The following ARHGEF26 variants were observed in gnomAD, a reference collection of about 807,000 sequenced individuals.
The protein encoded by ARHGEF26 is Rho guanine nucleotide exchange factor (GEF) 26.
ARHGEF26 carries 59 observed loss-of-function variants against 89.4 expected under a neutral mutation model. That is an observed-to-expected ratio of 0.66 (90% confidence interval 0.54 to 0.82). The LOEUF is 0.82. ARHGEF26 is among the 40% of genes least tolerant of loss of function. ARHGEF26 has a pLI of 0.00. For synonymous variants in ARHGEF26, 500 were observed against 428.4 expected (o/e 1.17, Z -2.06); for missense variants, 1,234 against 1,085.6 (o/e 1.14, Z -1.92).
At chr3:154,248,669 A>C (rs898597620) in intron 12 of ARHGEF26, among the ~76,000 whole-genome samples, 11 of 152,182 alleles carry the variant, frequency 7.2e-5, no homozygotes, top group Admixed American at 4.6e-4. Flanking sequence ...GGTTAACTGA[A>C]GGACTCTGGA....
intron 3 of ARHGEF26, among the ~76,000 whole-genome samples, chr3:154,126,609 T>C (rs933548192): frequency 5.9e-5 from 9 of 152,216 alleles, no homozygotes; most frequent in African/African-American, 2.2e-4. Context: ...ATCATGACAG[T>C]GTGAAAGAAA....
At chr3:154,236,131 C>G (rs1363791575) in intron 11 of ARHGEF26, among the ~76,000 whole-genome samples, 1 of 152,104 alleles carries the variant, frequency 6.6e-6, no homozygotes, top group East Asian at 1.9e-4. Context: ...CAAACACTGA[C>G]CTGCTTAACA....
intron 6 of ARHGEF26, among the ~76,000 whole-genome samples, chr3:154,172,665 G>A (rs1366062887): frequency 6.6e-6 from 1 of 152,176 alleles, no homozygotes; most frequent in Non-Finnish European, 1.5e-5. Flanking sequence ...GTGCACTCTA[G>A]CCTGGGCAAC....
At chr3:154,139,360 T>C (rs1719217968) in intron 4 of ARHGEF26, among the ~76,000 whole-genome samples, 1 of 152,202 alleles carries the variant, frequency 6.6e-6, no homozygotes, top group Non-Finnish European at 1.5e-5. Flanking sequence ...CTCGGATGAC[T>C]TCCAAGTTAT....
At chr3:154,207,750 G>T (rs1187405167) in intron 9 of ARHGEF26, among the ~76,000 whole-genome samples, 3 of 152,146 alleles carry the variant, frequency 2.0e-5, no homozygotes, top group Non-Finnish European at 2.9e-5. Context: ...TACTGGGTAT[G>T]CACCGTAAGG....
At chr3:154,249,854 C>A (rs951637014) in intron 12 of ARHGEF26, among the ~76,000 whole-genome samples, 1 of 152,174 alleles carries the variant, frequency 6.6e-6, no homozygotes, top group Non-Finnish European at 1.5e-5. Context: ...TGTTTTATAT[C>A]GATACGTCCC....
intron 9 of ARHGEF26, among the ~76,000 whole-genome samples, chr3:154,200,406 T>C (rs1232994822): frequency 1.3e-5 from 2 of 152,110 alleles, no homozygotes; most frequent in Non-Finnish European, 2.9e-5. Flanking sequence ...TTTTTTCTGC[T>C]CCACTGGCCT....
At chr3:154,246,251 G>C (rs1306097961) in intron 12 of ARHGEF26, among the ~76,000 whole-genome samples, 6 of 152,160 alleles carry the variant, frequency 3.9e-5, no homozygotes, top group Non-Finnish European at 8.8e-5. Context: ...TTCAGCCAAA[G>C]GGAACAGCAG....
At chr3:154,250,029 T>TA (rs1157376210) in intron 12 of ARHGEF26, among the ~76,000 whole-genome samples, 1 of 152,134 alleles carries the variant, frequency 6.6e-6, no homozygotes, top group African/African-American at 2.4e-5. Context: ...GGGAGCTCCT[T>TA]AGCAGGCTCT....
rs143410771 is a variant in ARHGEF26, at chr3:154,174,820, AT to A, written c.1488-12856del. Among the ~76,000 whole-genome samples, 49 of 151,372 alleles carry A rather than the reference AT, an allele frequency of 3.2e-4. No individual in the cohort carries two copies. The Middle Eastern group carries it at 0.017, about 53-fold the overall frequency. ...AATGTATACATACATATACATACTC[AT>A]TTTTTTTTCTGAATTAAAAAATAGT... On this transcript the variant is annotated intron_variant, in intron 6 of 14. Coordinates refer to ENST00000465093, the MANE Select transcript of ARHGEF26 (RefSeq NM_015595.4).
At chr3:154,201,466 A>G (rs971812417) in intron 9 of ARHGEF26, among the ~76,000 whole-genome samples, 1,624 of 152,104 alleles carry the variant, frequency 0.011, 22 homozygotes, top group African/African-American at 0.037. Context: ...ATAAACATAC[A>G]TGTGCATGTG....
At chr3:154,157,991 G>A (rs1451746499) in intron 6 of ARHGEF26, among the ~76,000 whole-genome samples, 2 of 152,104 alleles carry the variant, frequency 1.3e-5, no homozygotes, top group Non-Finnish European at 2.9e-5. Context: ...AAGCAGTGGT[G>A]GTGGTATTTA....
At chr3:154,234,088 C>A (rs1021481307) in intron 11 of ARHGEF26, among the ~76,000 whole-genome samples, 2 of 152,180 alleles carry the variant, frequency 1.3e-5, no homozygotes, top group Non-Finnish European at 2.9e-5. Context: ...ACTGGAAGTG[C>A]TGCTTGGGTT....
intron 10 of ARHGEF26, among the ~76,000 whole-genome samples, chr3:154,221,564 A>G (rs944562778): frequency 1.3e-5 from 2 of 152,248 alleles, no homozygotes; most frequent in African/African-American, 4.8e-5. Context: ...AAGATGAGGA[A>G]AAACATCTAA....
rs751323964 is a variant in ARHGEF26 at position 154,122,755 on chromosome 3, C to T, written c.763C>T (p.Leu255=). ...GAAGCAGCAGATCATTCCGAAGAGT[C>T]TGGCCTCGGAAATTAAAATAAGTAA... ...VGKQQIIPKS[L]ASEIKISKSN... Residue 255 remains leucine, a synonymous_variant, in exon 2 of 15, where the codon CTG becomes TTG. Coordinates refer to ENST00000465093, the MANE Select transcript of ARHGEF26 (RefSeq NM_015595.4). 1 of 1,611,832 alleles carries T rather than the reference C, an allele frequency of 6.2e-7. No individual in the cohort carries two copies.
At chr3:154,211,078 G>A (rs7624952) in intron 9 of ARHGEF26, among the ~76,000 whole-genome samples, 26 of 151,542 alleles carry the variant, frequency 1.7e-4, no homozygotes, top group East Asian at 2.0e-4. Context: ...TTTTCCTCTC[G>A]TCTTCTCAAG....
chr3:154,132,018 T>C (rs1347399856), intron 4 of ARHGEF26, among the ~76,000 whole-genome samples: 1 of 152,226 alleles, frequency 6.6e-6, no homozygotes, highest in Admixed American at 6.5e-5. Flanking sequence ...GTGTATGTTA[T>C]CTTGGAGTTG....
At position 154,240,346 on chromosome 3, in the gene ARHGEF26, T is replaced by G. The variant is rs769336105; in HGVS notation, c.2091-24T>G. On this transcript the variant is annotated intron_variant, in intron 11 of 14. Transcript: ENST00000465093. Reference sequence around the variant, plus strand: ...AGTCTTATCTGCTGAATAATTGACGTGTTCTTTTCCCTTTCCTTTACAGTG... The same window carrying G: ...AGTCTTATCTGCTGAATAATTGACGGGTTCTTTTCCCTTTCCTTTACAGTG... 14 of 1,550,468 alleles carry G rather than the reference T, an allele frequency of 9.0e-6. No individual in the cohort carries two copies. The South Asian group carries it at 1.5e-4, about 17-fold the overall frequency.
intron 12 of ARHGEF26, among the ~76,000 whole-genome samples, chr3:154,248,416 G>C (rs1248119170): frequency 6.6e-6 from 1 of 152,142 alleles, no homozygotes; most frequent in Non-Finnish European, 1.5e-5. Flanking sequence ...TAGTATCTCT[G>C]ACATAGTCAT....
Sources: allele counts gnomAD v4.1 joint callset (sites outside exome capture counted in the v4.1 genomes callset), GRCh38; gene constraint gnomAD v4.1.1; transcripts MANE v1.5; gene names NCBI Gene and HGNC (gene_info 2026-07-23, HGNC 2026-07-21).